Variants in BBX observed in about 807,000 individuals in gnomAD.
BBX encodes the protein HMG box transcription factor BBX.
In BBX, 30 loss-of-function variants were observed where a neutral mutation model predicts 100.2. The observed-to-expected ratio is 0.30, with a 90% CI of 0.22 to 0.41. The LOEUF is 0.41. Ranked by LOEUF, BBX falls within the 10% of genes least tolerant of loss-of-function variation. The pLI is 1.00. For synonymous variants in BBX, 376 were observed against 388.1 expected, an observed-to-expected ratio of 0.97 and a Z score of 0.37; for missense variants, 1,023 against 1,129.8, an observed-to-expected ratio of 0.91 and a Z score of 1.35.
Position 107,773,700 on chromosome 3 carries a change from A to G in BBX, c.1915+64A>G, listed in dbSNP as rs1303986274. The G allele has an allele frequency of 7.0e-7, 1 of 1,430,012 alleles. No individual in the cohort carries two copies. Among genetic ancestry groups the G allele is most frequent in the Non-Finnish European group, 9.4e-7 (1 of 1,064,800 alleles). 88.6% of individuals were successfully genotyped at this position (1,430,012 alleles called of 1,614,324 possible). ...CAAACAGAATTTCACCTTTAGACCTATTGAAAACAACTGCCATAAAAAACA... is the reference window on the plus strand; with the variant it reads ...CAAACAGAATTTCACCTTTAGACCTGTTGAAAACAACTGCCATAAAAAACA... On this transcript the variant is annotated intron_variant, in intron 11 of 17. Coordinates refer to ENST00000325805, the MANE Select transcript of BBX (RefSeq NM_001142568.3). The surrounding 1 kb of genome is among the most constrained non-coding windows in gnomAD (Gnocchi z 4.1).
At chr3:107,636,357 C>T (rs1201927513) in intron 2 of BBX, among the ~76,000 whole-genome samples, 5 of 152,158 alleles carry the variant, frequency 3.3e-5, no homozygotes, top group African/African-American at 7.2e-5. Flanking sequence ...GGAGACTGTA[C>T]GATGAGCAGG....
chr3:107,711,279 G>C (rs749236687), intron 4 of BBX: 9 of 470,298 alleles, frequency 1.9e-5, no homozygotes, highest in Non-Finnish European at 3.5e-5. Flanking sequence ...TCTCAGACCA[G>C]AATAGAAGCT....
At chr3:107,695,256 C>G (rs796470113) in intron 3 of BBX, among the ~76,000 whole-genome samples, 2 of 92,324 alleles carry the variant, frequency 2.2e-5, no homozygotes, top group South Asian at 8.5e-4. Context: ...TGTGTTTGCT[C>G]TTGCTTTTCT....
At chr3:107,786,083 G>A (rs1416588331) in intron 13 of BBX, among the ~76,000 whole-genome samples, 1 of 151,986 alleles carries the variant, frequency 6.6e-6, no homozygotes, top group African/African-American at 2.4e-5. Flanking sequence ...ATTTACAATA[G>A]CATCAAAAAG....
chr3:107,669,550 A>G (rs2058921993), intron 3 of BBX, among the ~76,000 whole-genome samples: 1 of 152,168 alleles, frequency 6.6e-6, no homozygotes, highest in South Asian at 2.1e-4. Flanking sequence ...AAAGGGTTTG[A>G]TTTCAGGGAG....
intron 2 of BBX, among the ~76,000 whole-genome samples, chr3:107,538,723 G>T (rs904645419): frequency 6.6e-6 from 1 of 151,964 alleles, no homozygotes; most frequent in East Asian, 1.9e-4. Context: ...GGTCTATAAA[G>T]TATACATAAG....
intron 10 of BBX, among the ~76,000 whole-genome samples, chr3:107,757,975 C>T (rs2065617529): frequency 6.6e-6 from 1 of 152,156 alleles, no homozygotes; most frequent in Admixed American, 6.5e-5. Flanking sequence ...CCTAATACAA[C>T]TTATTATCCT....
At chr3:107,575,571 C>G (rs2051711244) in intron 2 of BBX, among the ~76,000 whole-genome samples, 1 of 151,924 alleles carries the variant, frequency 6.6e-6, no homozygotes. Context: ...CAGGGTAATG[C>G]TAATTATATA....
rs1348755139 is a variant in BBX at position 107,584,079 on chromosome 3, TTA to T, written c.-84+57689_-84+57690del. On this transcript the variant is annotated intron_variant, in intron 2 of 17. Coordinates refer to ENST00000325805, the MANE Select transcript of BBX (RefSeq NM_001142568.3). ...TTATATATATCATATATTATATATA[TTA>T]TATATATCATATATTATATATATTA... Among the ~76,000 whole-genome samples the T allele has an allele frequency of 1.7e-4, 4 of 22,874 alleles. 1 individual carries two copies. The highest frequency in any genetic ancestry group is 1.4e-3 in the Admixed American group (2 of 1,454). The allele number at this position is 22,874 out of a possible 152,430, so 15.0% of individuals were successfully genotyped here.
intron 2 of BBX, among the ~76,000 whole-genome samples, chr3:107,538,732 A>G (rs998879405): frequency 6.6e-6 from 1 of 152,146 alleles, no homozygotes; most frequent in African/African-American, 2.4e-5. Flanking sequence ...AGTATACATA[A>G]GGGAGCTTTG....
intron 8 of BBX, among the ~76,000 whole-genome samples, 161 bp downstream of exon 8, chr3:107,744,871 G>A (rs1362356632): frequency 1.3e-5 from 2 of 152,084 alleles, no homozygotes; most frequent in African/African-American, 2.4e-5. Context: ...GGTCTCTAGA[G>A]TTCTTAATTA....
At chr3:107,678,817 A>G (rs1452933910) in intron 3 of BBX, among the ~76,000 whole-genome samples, 1 of 152,174 alleles carries the variant, frequency 6.6e-6, no homozygotes, top group Non-Finnish European at 1.5e-5. Context: ...AATGATAGCA[A>G]ATCTTCATTT....
In BBX at chr3:107,798,626, G is replaced by C; in HGVS notation, c.2457G>C (p.Leu819Phe). ...TPEPTTTQEP[L>F]VGSQKRKARK... ...AGCCAACAACAACGCAAGAACCTTT[G>C]GTGGGCAGCCAAAAGAGAAAAGCAA... Residue 819 changes from leucine (L) to phenylalanine (F), a missense_variant, in exon 16 of 18, where the codon TTG (leucine) becomes TTC (phenylalanine). Physicochemically the swap from Leu to Phe is conservative, Grantham distance 22 (BLOSUM62 0). Transcript: ENST00000325805. 6.2e-7 allele frequency: 1 copy of C among 1,614,018 alleles called. No individual in the cohort carries two copies.
intron 3 of BBX, among the ~76,000 whole-genome samples, chr3:107,648,371 T>A (rs1041495396): frequency 1.3e-5 from 2 of 152,170 alleles, no homozygotes; most frequent in African/African-American, 2.4e-5. Context: ...GAATAAAAAT[T>A]ACTGCAAACT....
intron 3 of BBX, among the ~76,000 whole-genome samples, chr3:107,663,158 T>C (rs779404480): frequency 7.9e-5 from 12 of 152,192 alleles, no homozygotes; most frequent in Non-Finnish European, 1.6e-4. Context: ...TTAGACTCTC[T>C]GTATGTCCCT....
At chr3:107,524,478 A>G (rs1315809105) in intron 1 of BBX, 1 of 152,002 alleles carries the variant, frequency 6.6e-6, no homozygotes, top group African/African-American at 2.4e-5. Flanking sequence ...ACCGAACCCG[A>G]GTCCTGTAAT....
intron 2 of BBX, among the ~76,000 whole-genome samples, chr3:107,542,660 A>T (rs867757391): frequency 1.3e-5 from 2 of 152,196 alleles, no homozygotes; most frequent in South Asian, 2.1e-4. Flanking sequence ...TGAAGTAGGA[A>T]CTATTATCTC....
intron 2 of BBX, among the ~76,000 whole-genome samples, chr3:107,634,135 T>C (rs2056717144): frequency 6.6e-6 from 1 of 152,240 alleles, no homozygotes; most frequent in Non-Finnish European, 1.5e-5. Flanking sequence ...AGACTATAGG[T>C]GATACCTTTC....
At chr3:107,678,811 A>G (rs959403693) in intron 3 of BBX, among the ~76,000 whole-genome samples, 2 of 152,068 alleles carry the variant, frequency 1.3e-5, no homozygotes, top group Non-Finnish European at 2.9e-5. Context: ...GATGATAATG[A>G]TAGCAAATCT....
Sources: allele counts gnomAD v4.1 joint callset (sites outside exome capture counted in the v4.1 genomes callset), GRCh38; gene constraint gnomAD v4.1.1; non-coding constraint Gnocchi (gnomAD v3.1); transcripts MANE v1.5; gene names NCBI Gene and HGNC (gene_info 2026-07-23, HGNC 2026-07-21).